Variants in MTMR10 observed in about 807,000 individuals in gnomAD.
MTMR10 encodes the protein myotubularin-related protein 10.
A neutral mutation model predicts 88.1 loss-of-function variants in MTMR10; 56 were observed. That is an observed-to-expected ratio of 0.64 (90% CI 0.51 to 0.79). MTMR10 has a LOEUF of 0.79. Ranked by LOEUF, MTMR10 falls within the 30% of genes least tolerant of loss-of-function variation. MTMR10 has a pLI of 0.00. For missense variants in MTMR10, 883 were observed against 924.7 expected, an observed-to-expected ratio of 0.95 and a Z score of 0.58; for synonymous variants, 380 against 340.9, an observed-to-expected ratio of 1.11 and a Z score of -1.26.
chr15:30,988,673 A>G (rs1018072522), intron 2 of MTMR10, among the ~76,000 whole-genome samples: 2 of 152,224 alleles, frequency 1.3e-5, no homozygotes, highest in Non-Finnish European at 2.9e-5. Context: ...TTCTTAGCAC[A>G]TATCTTAAAT....
chr15:30,924,546 T>G, the MTMR10 span, among the ~76,000 whole-genome samples: 1 of 152,334 alleles, frequency 6.6e-6, no homozygotes, highest in Non-Finnish European at 1.5e-5. Context: ...GGTATCTCCT[T>G]GTGGCTTTCT....
At chr15:30,929,224 A>G in the MTMR10 span, 1 of 1,612,742 alleles carries the variant, frequency 6.2e-7, no homozygotes, top group Non-Finnish European at 8.5e-7. Flanking sequence ...GGACTTGTGC[A>G]CAGACAGCTT....
chr15:30,951,894 T>G, intron 12 of MTMR10, 74 bp downstream of exon 12: 1 of 1,254,516 alleles, frequency 8.0e-7, no homozygotes. Context: ...GTGATTTACT[T>G]GAATGGGGAC....
chr15:30,955,313 C>T (rs1316357546), intron 9 of MTMR10, among the ~76,000 whole-genome samples: 2 of 152,214 alleles, frequency 1.3e-5, no homozygotes, highest in Non-Finnish European at 2.9e-5. Context: ...TACTGTCGCC[C>T]AGGCTGGAGT....
chr15:30,954,805 C>A lies in MTMR10; in HGVS notation c.1024G>T (p.Val342Leu). Reference protein sequence around the residue: ...LDKTLPNIQEVQAAFVKLKQL... With the variant: ...LDKTLPNIQELQAAFVKLKQL... ...TTCAGTTTTACAAATGCTGCCTGTA[C>A]TTCTTGAATATTAGGCAAGGTCTTA... Residue 342 changes from valine (V) to leucine (L), a missense_variant, in exon 10 of 16, where the codon GTA becomes TTA. Coordinates refer to ENST00000435680, the MANE Select transcript of MTMR10 (RefSeq NM_017762.3). The A allele has an allele frequency of 6.2e-7, 1 of 1,602,316 alleles. No homozygotes were observed. Among genetic ancestry groups the A allele is most frequent in the South Asian group, 1.1e-5 (1 of 88,804 alleles).
Position 30,979,917 on chromosome 15 carries a change from C to T in MTMR10, c.122-2962G>A, listed in dbSNP as rs544267249. 9.8e-5 allele frequency among the ~76,000 whole-genome samples: 15 copies of T among 152,358 alleles called. No homozygotes were observed. In the East Asian group the frequency reaches 2.3e-3, roughly 24 times the overall value. On this transcript the variant is annotated intron_variant, in intron 2 of 15. Coordinates refer to ENST00000435680, the MANE Select transcript of MTMR10 (RefSeq NM_017762.3). ...TAAATGAAATTTTAGTAAGACATAG[C>T]CATACTCATTTGTTCATGTGCCATC...
At chr15:30,931,368 G>A in the MTMR10 span, among the ~76,000 whole-genome samples, 4 of 152,158 alleles carry the variant, frequency 2.6e-5, no homozygotes, top group Non-Finnish European at 5.9e-5. Context: ...TTTCATCCCA[G>A]TCTATGGCTT....
the MTMR10 span, among the ~76,000 whole-genome samples, chr15:30,929,726 A>T: frequency 2.7e-5 from 1 of 37,354 alleles, no homozygotes; most frequent in African/African-American, 1.1e-4. Context: ...ATATATATAA[A>T]ATATATAATA....
intron 6 of MTMR10, among the ~76,000 whole-genome samples, chr15:30,962,872 A>C (rs760568507): frequency 6.6e-6 from 1 of 152,166 alleles, no homozygotes; most frequent in Non-Finnish European, 1.5e-5. Context: ...ACCACAACTA[A>C]AGAGAGTTCT....
chr15:30,943,204 C>T, intron 14 of MTMR10, 132 bp from the exon 15 acceptor site: 1 of 1,411,922 alleles, frequency 7.1e-7, no homozygotes, highest in Non-Finnish European at 9.2e-7. Flanking sequence ...CAGAGTGGCA[C>T]TTTCACTTCA....
intron 14 of MTMR10, chr15:30,944,018 T>C (rs1486167817): frequency 2.1e-5 from 21 of 984,178 alleles, no homozygotes; most frequent in Non-Finnish European, 2.4e-5. Context: ...CCAAATTTTC[T>C]ACCAAAAAAA....
the MTMR10 span, among the ~76,000 whole-genome samples, chr15:30,920,928 C>T: frequency 2.6e-5 from 4 of 152,282 alleles, no homozygotes; most frequent in African/African-American, 4.8e-5. Flanking sequence ...GGACTACAGG[C>T]GTGCGCCACC....
intron 2 of MTMR10, among the ~76,000 whole-genome samples, chr15:30,988,714 C>T (rs780210317): frequency 2.0e-5 from 3 of 152,166 alleles, no homozygotes; most frequent in African/African-American, 4.8e-5. Flanking sequence ...AGTGGCCAGG[C>T]GCAGTGGCTC....
In MTMR10 at chr15:30,942,036, C is replaced by G. The variant is rs756568873; in HGVS notation, c.1768G>C (p.Ala590Pro). The change falls in exon 16 of 16, where the codon GCC (alanine) becomes CCC (proline). Residue 590 changes from alanine (A) to proline (P), a missense_variant. Physicochemically the swap from Ala to Pro is conservative, Grantham distance 27. Around this residue, in one of 3 missense-constraint regions of MTMR10, gnomAD observed 343 missense variants for 323.2 expected, o/e 1.06. Coordinates refer to ENST00000435680, the MANE Select transcript of MTMR10 (RefSeq NM_017762.3). ...TCACTGATGATTCCATTCTTTAAGGCAGACGGCATTCCTCTTAGTGTGGAG... is the reference window on the plus strand; with the variant it reads ...TCACTGATGATTCCATTCTTTAAGGGAGACGGCATTCCTCTTAGTGTGGAG... Reference protein sequence around the residue: ...YSSTLRGMPSALKNGIISDQE... With the variant: ...YSSTLRGMPSPLKNGIISDQE... 9.9e-6 allele frequency: 16 copies of G among 1,613,850 alleles called. No individual in the cohort carries two copies. The highest frequency in any genetic ancestry group is 1.2e-5 in the Non-Finnish European group (14 of 1,179,890).
At chr15:30,956,752 T>G (rs1225737608) in intron 9 of MTMR10, among the ~76,000 whole-genome samples, 1 of 152,206 alleles carries the variant, frequency 6.6e-6, no homozygotes, top group Non-Finnish European at 1.5e-5. Context: ...ATTTTCAGCT[T>G]AATAAATCAC....
downstream of MTMR10, among the ~76,000 whole-genome samples, chr15:30,934,082 T>C (rs1308177619): frequency 6.6e-6 from 1 of 152,176 alleles, no homozygotes; most frequent in African/African-American, 2.4e-5. Context: ...ATTTGCTTCA[T>C]GTATTTTGAA....
chr15:30,926,509 G>T, the MTMR10 span: 285 of 404,618 alleles, frequency 7.0e-4, no homozygotes, highest in African/African-American at 5.8e-3. Context: ...AGATTAACAA[G>T]TACTATAGAA....
the MTMR10 span, chr15:30,926,083 A>G: frequency 1.3e-6 from 1 of 794,536 alleles, no homozygotes; most frequent in Non-Finnish European, 2.0e-6. Context: ...ATGTCTTCCT[A>G]TTCTTCCCCT....
At chr15:30,961,198 C>G in intron 6 of MTMR10, 125 bp from the exon 7 acceptor site, 5 of 1,297,146 alleles carry the variant, frequency 3.9e-6, no homozygotes, top group Non-Finnish European at 5.1e-6. Flanking sequence ...CCTTCCAAGT[C>G]TCTCCGAGAA....
Sources: gnomAD v4.1 joint callset for allele counts (sites outside exome capture counted in the v4.1 genomes callset) on GRCh38, gnomAD v4.1.1 for gene constraint, gnomAD v4.1.1 regional missense constraint, MANE v1.5 for transcripts, NCBI Gene and HGNC (gene_info 2026-07-23, HGNC 2026-07-21) for gene names.